The following RPS6KC1 variants were observed in gnomAD, a reference collection of about 807,000 sequenced individuals.
RPS6KC1 encodes inactive ribosomal protein S6 kinase delta-1.
RPS6KC1 carries 54 observed loss-of-function variants against 103.8 expected under a neutral mutation model. The ratio of observed to expected loss-of-function variants is 0.52; its 90% CI spans 0.42 to 0.65. RPS6KC1 has a LOEUF of 0.65. Among genes scored for constraint, RPS6KC1 ranks in the 30% least tolerant of loss-of-function variants. The pLI is 0.00. For synonymous variants in RPS6KC1, 439 were observed against 438.7 expected (o/e 1.00, Z -0.01); for missense variants, 1,151 against 1,253.8 (o/e 0.92, Z 1.24).
the RPS6KC1 span, among the ~76,000 whole-genome samples, chr1:213,753,234 T>G: frequency 6.6e-6 from 1 of 152,158 alleles, no homozygotes; most frequent in Non-Finnish European, 1.5e-5. Context: ...TATTTTAGTG[T>G]AAGGTCAAAG....
At chr1:213,642,002 G>A in the RPS6KC1 span, among the ~76,000 whole-genome samples, 1 of 151,990 alleles carries the variant, frequency 6.6e-6, no homozygotes, top group Non-Finnish European at 1.5e-5. Context: ...CCTGGTGGGT[G>A]TGCAAGAGAA....
the RPS6KC1 span, among the ~76,000 whole-genome samples, chr1:213,855,584 T>C: frequency 6.6e-6 from 1 of 152,222 alleles, no homozygotes; most frequent in Non-Finnish European, 1.5e-5. Flanking sequence ...GGGGCTTGTG[T>C]GTGCCCTGCT....
chr1:213,601,050 A>G, the RPS6KC1 span, among the ~76,000 whole-genome samples: 1 of 152,158 alleles, frequency 6.6e-6, no homozygotes, highest in African/African-American at 2.4e-5. Flanking sequence ...AGAACAAATA[A>G]ATGATCCTCA....
intron 6 of RPS6KC1, among the ~76,000 whole-genome samples, chr1:213,167,490 A>ACACAAG (rs58718923): frequency 1.2e-4 from 4 of 33,870 alleles, no homozygotes; most frequent in African/African-American, 3.1e-4. Flanking sequence ...ACACACACAC[A>ACACAAG]ACAGCTGTTG....
the RPS6KC1 span, among the ~76,000 whole-genome samples, chr1:213,332,570 T>C: frequency 6.6e-6 from 1 of 152,150 alleles, no homozygotes; most frequent in East Asian, 1.9e-4. Context: ...AGAGTCTCAT[T>C]AGTTAATTCG....
At chr1:213,757,373 G>A in the RPS6KC1 span, among the ~76,000 whole-genome samples, 28 of 152,306 alleles carry the variant, frequency 1.8e-4, no homozygotes, top group Middle Eastern at 3.4e-3. Context: ...GCAAAATGGC[G>A]TGATTGCTGA....
At chr1:213,379,213 C>T in the RPS6KC1 span, among the ~76,000 whole-genome samples, 1 of 152,106 alleles carries the variant, frequency 6.6e-6, no homozygotes, top group South Asian at 2.1e-4. Flanking sequence ...TCTGTCTCTC[C>T]CAAATTCATA....
At chr1:213,616,524 G>A in the RPS6KC1 span, among the ~76,000 whole-genome samples, 1 of 152,174 alleles carries the variant, frequency 6.6e-6, no homozygotes, top group Non-Finnish European at 1.5e-5. Context: ...TTAAAATCCA[G>A]AGCCTAGCTG....
chr1:213,331,534 T>C, the RPS6KC1 span, among the ~76,000 whole-genome samples: 2 of 152,168 alleles, frequency 1.3e-5, no homozygotes, highest in African/African-American at 4.8e-5. Context: ...AATGGGGGCA[T>C]GTGGAGAGCA....
intron 3 of RPS6KC1, among the ~76,000 whole-genome samples, chr1:213,086,236 A>G (rs2080382898): frequency 6.6e-6 from 1 of 152,184 alleles, no homozygotes; most frequent in Non-Finnish European, 1.5e-5. Context: ...CTGTGCTGCC[A>G]GTGGCATGTG....
chr1:213,729,266 C>T, the RPS6KC1 span, among the ~76,000 whole-genome samples: 5 of 151,972 alleles, frequency 3.3e-5, no homozygotes, highest in African/African-American at 1.2e-4. Flanking sequence ...TCCACATCCT[C>T]GGGTTTGAGG....
At chr1:213,420,663 G>A in the RPS6KC1 span, among the ~76,000 whole-genome samples, 1 of 152,160 alleles carries the variant, frequency 6.6e-6, no homozygotes, top group African/African-American at 2.4e-5. Context: ...AAGGCCCACA[G>A]GTGAATGTCC....
chr1:213,433,050 T>C, the RPS6KC1 span, among the ~76,000 whole-genome samples: 9 of 152,364 alleles, frequency 5.9e-5, no homozygotes, highest in Non-Finnish European at 8.8e-5. Flanking sequence ...AAGACTGATA[T>C]GTGTCTCACT....
the RPS6KC1 span, among the ~76,000 whole-genome samples, chr1:213,703,585 C>T: frequency 6.6e-6 from 1 of 152,204 alleles, no homozygotes. Context: ...GTCTTTATTT[C>T]TCCTTCATGT....
chr1:213,814,678 T>C, the RPS6KC1 span, among the ~76,000 whole-genome samples: 1 of 152,236 alleles, frequency 6.6e-6, no homozygotes, highest in East Asian at 1.9e-4. Flanking sequence ...ATAAGGGCTT[T>C]ACATGCATTA....
the RPS6KC1 span, among the ~76,000 whole-genome samples, chr1:213,760,273 C>T: frequency 6.6e-6 from 1 of 152,184 alleles, no homozygotes; most frequent in Non-Finnish European, 1.5e-5. Context: ...CAAACACCCA[C>T]AGCCGCTGCT....
intron 1 of RPS6KC1, among the ~76,000 whole-genome samples, chr1:213,055,790 TTAA>T (rs1330028712): frequency 2.0e-5 from 3 of 152,242 alleles, no homozygotes; most frequent in African/African-American, 7.2e-5. Context: ...AATTGATATC[TTAA>T]TAATATTGTC....
At chr1:213,230,566 G>A in intron 9 of RPS6KC1, 22 bp downstream of exon 9, 3 of 1,590,860 alleles carry the variant, frequency 1.9e-6, no homozygotes, top group Middle Eastern at 1.7e-4. Flanking sequence ...TTGTAGCCAG[G>A]CGCGGTGCCT....
intron 6 of RPS6KC1, among the ~76,000 whole-genome samples, chr1:213,136,691 A>T (rs1276720492): frequency 3.9e-5 from 6 of 152,274 alleles, no homozygotes; most frequent in South Asian, 4.1e-4. Flanking sequence ...AAAAGTAAAT[A>T]TCATAATCAT....
Sources: gnomAD v4.1 joint callset for allele counts (sites outside exome capture counted in the v4.1 genomes callset) on GRCh38, gnomAD v4.1.1 for gene constraint, MANE v1.5 for transcripts, NCBI Gene and HGNC (gene_info 2026-07-23, HGNC 2026-07-21) for gene names.